The following CREBBP variants were observed in gnomAD, a reference collection of about 807,000 sequenced individuals.
CREBBP encodes CREB-binding protein.
Under a neutral mutation model 265.0 loss-of-function variants are expected in CREBBP, and 19 were observed. The ratio of observed to expected loss-of-function variants is 0.07; its 90% CI spans 0.05 to 0.11. CREBBP has a LOEUF of 0.11. CREBBP is among the 10% of genes least tolerant of loss of function. The pLI is 1.00. For synonymous variants in CREBBP, 1,457 were observed against 1,223.7 expected (o/e 1.19, Z -3.98); for missense variants, 2,525 against 3,219.0 (o/e 0.78, Z 5.22).
Position 3,729,426 on chromosome 16 carries a change from G to A in CREBBP, c.5621C>T (p.Thr1874Ile). 6.2e-7 allele frequency: 1 copy of A among 1,613,808 alleles called. No homozygotes were observed. The highest frequency in any genetic ancestry group is 8.5e-7 in the Non-Finnish European group (1 of 1,179,992). ...CAGACTCTGCTGAGGCACGTTGCGG[G>A]TGTTCATGGTGGCCATCCGCCGGCG... ...LMRRRMATMN[T>I]RNVPQQSLPS... is the part of the protein sequence containing the mutation. Residue 1874 changes from threonine (T) to isoleucine (I), a missense_variant, in exon 31 of 31, where the codon ACC becomes ATC. By Grantham distance (89) the Thr-to-Ile change is moderately conservative. Transcript: ENST00000262367.
intron 2 of CREBBP, among the ~76,000 whole-genome samples, chr16:3,819,266 C>G (rs1297644687): frequency 6.6e-6 from 1 of 152,256 alleles, no homozygotes; most frequent in African/African-American, 2.4e-5. Flanking sequence ...TTACTTAAAC[C>G]TCTCTGCACC....
intron 2 of CREBBP, among the ~76,000 whole-genome samples, chr16:3,828,808 T>A (rs893215075): frequency 2.6e-5 from 4 of 152,164 alleles, no homozygotes; most frequent in African/African-American, 9.7e-5. Context: ...AGGAAAGTGG[T>A]TCAGAATATT....
chr16:3,835,023 T>C (rs2054416439), intron 2 of CREBBP, among the ~76,000 whole-genome samples: 1 of 151,972 alleles, frequency 6.6e-6, no homozygotes, highest in Non-Finnish European at 1.5e-5. Context: ...CCGGGCATGG[T>C]GGCAGGCGCC....
intron 20 of CREBBP, among the ~76,000 whole-genome samples, chr16:3,751,385 T>C (rs985425819): frequency 5.9e-5 from 9 of 151,616 alleles, no homozygotes; most frequent in African/African-American, 1.7e-4. Context: ...AGTCTAGGAG[T>C]TTGAGACTAG....
intron 3 of CREBBP, among the ~76,000 whole-genome samples, chr16:3,803,231 G>GT (rs1567325501): frequency 7.4e-6 from 1 of 134,434 alleles, no homozygotes; most frequent in Non-Finnish European, 1.6e-5. Flanking sequence ...GCTCACGCCT[G>GT]TAATCCCAGC....
At chr16:3,743,993 T>C (rs1301605871) in intron 23 of CREBBP, among the ~76,000 whole-genome samples, 2 of 151,922 alleles carry the variant, frequency 1.3e-5, no homozygotes. Context: ...GGAGAATCGC[T>C]TGAACCCAGG....
chr16:3,821,940 G>A (rs1465404107), intron 2 of CREBBP, among the ~76,000 whole-genome samples: 1 of 152,128 alleles, frequency 6.6e-6, no homozygotes, highest in Non-Finnish European at 1.5e-5. Context: ...CAGGAGAATC[G>A]CTTAAGGAGA....
intron 19 of CREBBP, among the ~76,000 whole-genome samples, chr16:3,756,040 T>C (rs1308694157): frequency 3.9e-5 from 6 of 152,058 alleles, no homozygotes; most frequent in African/African-American, 1.4e-4. Flanking sequence ...AAAAAAAACA[T>C]AGAAGAATTA....
intron 16 of CREBBP, among the ~76,000 whole-genome samples, chr16:3,767,025 C>T (rs765006801): frequency 6.6e-6 from 1 of 152,180 alleles, no homozygotes; most frequent in Non-Finnish European, 1.5e-5. Flanking sequence ...GTGTCATCTG[C>T]AGCCTTGGAC....
chr16:3,757,219 T>C (rs1005788440), intron 19 of CREBBP, 69 bp downstream of exon 19: 4 of 1,290,132 alleles, frequency 3.1e-6, no homozygotes, highest in Admixed American at 3.9e-5. Flanking sequence ...AGAAATAATG[T>C]ACACAGACTA....
intron 2 of CREBBP, among the ~76,000 whole-genome samples, chr16:3,822,982 C>G: frequency 6.6e-6 from 1 of 152,088 alleles, no homozygotes; most frequent in African/African-American, 2.4e-5. Flanking sequence ...GCTGGTACCA[C>G]AAAGGTGACT....
chr16:3,874,727 G>A (rs1400217216), intron 1 of CREBBP, among the ~76,000 whole-genome samples: 1 of 152,190 alleles, frequency 6.6e-6, no homozygotes, highest in Non-Finnish European at 1.5e-5. Flanking sequence ...AAGGCTCTGG[G>A]AAAGTCTGCA....
chr16:3,809,375 A>AT (rs2053893113), intron 3 of CREBBP, among the ~76,000 whole-genome samples: 2 of 152,018 alleles, frequency 1.3e-5, no homozygotes. Flanking sequence ...ACGGGGTTTC[A>AT]TCATCTTGGC....
intron 1 of CREBBP, among the ~76,000 whole-genome samples, chr16:3,873,977 T>C (rs1201798234): frequency 6.6e-6 from 1 of 152,112 alleles, no homozygotes. Context: ...AGGGAAGTGC[T>C]GGGAAGAGGG....
At chr16:3,878,405 G>A (rs2055447347) in intron 1 of CREBBP, among the ~76,000 whole-genome samples, 3 of 152,142 alleles carry the variant, frequency 2.0e-5, no homozygotes, top group African/African-American at 7.2e-5. Context: ...TATATACCAT[G>A]AGCATCATTT....
intron 2 of CREBBP, among the ~76,000 whole-genome samples, chr16:3,846,348 C>G (rs2054667225): frequency 6.6e-6 from 1 of 152,206 alleles, no homozygotes; most frequent in Non-Finnish European, 1.5e-5. Context: ...GAGGCTCAAT[C>G]ACTCTTGATG....
At chr16:3,852,967 A>G (rs565548208) in intron 1 of CREBBP, among the ~76,000 whole-genome samples, 38 of 135,282 alleles carry the variant, frequency 2.8e-4, no homozygotes, top group Non-Finnish European at 4.9e-4. Context: ...TGTAGCATCC[A>G]AAAAAAAAAA....
At chr16:3,811,720 C>T (rs2053941581) in intron 2 of CREBBP, among the ~76,000 whole-genome samples, 1 of 152,166 alleles carries the variant, frequency 6.6e-6, no homozygotes, top group Admixed American at 6.5e-5. Context: ...TCTCAAACTC[C>T]TGACCTCAGG....
chr16:3,746,269 C>G (rs1596826280), intron 21 of CREBBP, among the ~76,000 whole-genome samples: 1 of 152,094 alleles, frequency 6.6e-6, no homozygotes. Context: ...GCTATGCAAG[C>G]CCTCAGCCAT....
Sources: allele counts gnomAD v4.1 joint callset (sites outside exome capture counted in the v4.1 genomes callset), GRCh38; gene constraint gnomAD v4.1.1; transcripts MANE v1.5; gene names NCBI Gene and HGNC (gene_info 2026-07-23, HGNC 2026-07-21).